The following CLVS1 variants were observed in gnomAD, a reference collection of about 807,000 sequenced individuals.
CLVS1 encodes clavesin 1.
Under a neutral mutation model 33.1 loss-of-function variants are expected in CLVS1, and 10 were observed. That is an observed-to-expected ratio of 0.30 (90% CI 0.19 to 0.51). CLVS1 has a LOEUF of 0.51. Among genes scored for constraint, CLVS1 ranks in the 20% least tolerant of loss-of-function variants. The pLI, the probability that CLVS1 is intolerant of heterozygous loss-of-function variation, is 0.97. For missense variants in CLVS1, 343 were observed against 433.4 expected (o/e 0.79, Z 1.85); for synonymous variants, 163 against 166.1 (o/e 0.98, Z 0.14).
At chr8:61,190,532 A>G (rs2129302534) in intron 2 of CLVS1, among the ~76,000 whole-genome samples, 1 of 152,320 alleles carries the variant, frequency 6.6e-6, no homozygotes, top group East Asian at 1.9e-4. Context: ...TCAGAGGAGA[A>G]CTGAAGGAGT....
chr8:61,038,180 A>G, the CLVS1 span, among the ~76,000 whole-genome samples: 2 of 152,114 alleles, frequency 1.3e-5, no homozygotes, highest in Admixed American at 1.3e-4. Context: ...GTTGCCTGCT[A>G]TTGACACATG....
chr8:61,420,664 T>C (rs749588603), intron 3 of CLVS1, among the ~76,000 whole-genome samples: 5 of 151,854 alleles, frequency 3.3e-5, no homozygotes, highest in Admixed American at 6.6e-5. Flanking sequence ...TTTATGTTTA[T>C]ATTGAATACT....
chr8:60,979,678 C>T, the CLVS1 span, among the ~76,000 whole-genome samples: 1 of 152,188 alleles, frequency 6.6e-6, no homozygotes, highest in Non-Finnish European at 1.5e-5. Context: ...CATGGTCCAC[C>T]AACCCCAGGT....
chr8:61,288,331 C>A (rs896779530), intron 1 of CLVS1, 193 bp downstream of exon 1: 3 of 451,628 alleles, frequency 6.6e-6, no homozygotes, highest in African/African-American at 4.0e-5. Flanking sequence ...CTCCTCCCGG[C>A]GCCCGCTCAG....
intron 5 of CLVS1, among the ~76,000 whole-genome samples, chr8:61,486,750 T>A (rs534860418): frequency 6.6e-6 from 1 of 152,292 alleles, no homozygotes; most frequent in South Asian, 2.1e-4. Flanking sequence ...ACATCCTCAC[T>A]AAAGTATCAT....
intron 2 of CLVS1, among the ~76,000 whole-genome samples, chr8:61,141,475 T>C (rs1349706440): frequency 6.6e-6 from 1 of 151,572 alleles, no homozygotes; most frequent in Non-Finnish European, 1.5e-5. Flanking sequence ...ATATATTGGC[T>C]TATGTATATA....
At chr8:61,389,449 G>A (rs1258096028) in intron 3 of CLVS1, among the ~76,000 whole-genome samples, 2 of 152,056 alleles carry the variant, frequency 1.3e-5, no homozygotes, top group South Asian at 4.2e-4. Context: ...GCTGAGGCAG[G>A]AGGCTCTTGC....
At chr8:61,465,388 G>T (rs1157185332) in intron 5 of CLVS1, 1 of 152,138 alleles carries the variant, frequency 6.6e-6, no homozygotes, top group Non-Finnish European at 1.5e-5. Flanking sequence ...TCCACGTAGA[G>T]TAAAAGCCAA....
chr8:61,053,175 A>G (rs532501495), upstream of CLVS1, among the ~76,000 whole-genome samples: 54 of 152,298 alleles, frequency 3.5e-4, no homozygotes, highest in Non-Finnish European at 6.0e-4. Flanking sequence ...AGGTCACTAA[A>G]TGGAGGGGTG....
chr8:61,440,927 T>C (rs1347077556), intron 3 of CLVS1, among the ~76,000 whole-genome samples: 1 of 152,204 alleles, frequency 6.6e-6, no homozygotes, highest in Non-Finnish European at 1.5e-5. Flanking sequence ...CTCTTCTCTC[T>C]TATGTTTGCT....
intron 2 of CLVS1, among the ~76,000 whole-genome samples, chr8:61,175,925 G>A (rs1049873600): frequency 1.2e-4 from 18 of 152,266 alleles, no homozygotes; most frequent in Admixed American, 3.3e-4. Context: ...CAATGCCCAT[G>A]CCCCAAACTT....
chr8:61,163,165 G>A (rs149024090), intron 2 of CLVS1, among the ~76,000 whole-genome samples: 1 of 152,228 alleles, frequency 6.6e-6, no homozygotes, highest in African/African-American at 2.4e-5. Flanking sequence ...TATTCATAAG[G>A]AGACCAGAGA....
In CLVS1 at chr8:61,121,941, C is replaced by A. The variant is rs575714788; in HGVS notation, c.-242-9829C>A. Among the ~76,000 whole-genome samples the A allele has an allele frequency of 8.5e-5, 13 of 152,268 alleles. 1 individual carries two copies. In the South Asian group the frequency reaches 2.5e-3, roughly 29 times the overall value. Reference sequence around the variant, plus strand: ...AAAAAAAGTGCCAGCAAAATAAAGACCCTGAAATACAACAGGAGGACTCAA... The same window carrying A: ...AAAAAAAGTGCCAGCAAAATAAAGAACCTGAAATACAACAGGAGGACTCAA... On this transcript the variant is annotated intron_variant, in intron 1 of 2. Coordinates refer to the CLVS1 transcript ENST00000522621.
chr8:61,487,321 T>G (rs1260000393), intron 5 of CLVS1, among the ~76,000 whole-genome samples: 1 of 152,222 alleles, frequency 6.6e-6, no homozygotes, highest in Non-Finnish European at 1.5e-5. Flanking sequence ...AAAAATATAT[T>G]TAAACTAGAT....
intron 2 of CLVS1, among the ~76,000 whole-genome samples, chr8:61,344,298 C>T (rs1812124141): frequency 6.6e-6 from 1 of 152,190 alleles, no homozygotes; most frequent in African/African-American, 2.4e-5. Flanking sequence ...CCACCCACAT[C>T]AGCCTCCCAA....
At chr8:61,236,059 C>T (rs1022634757) in intron 2 of CLVS1, among the ~76,000 whole-genome samples, 2 of 152,152 alleles carry the variant, frequency 1.3e-5, no homozygotes, top group East Asian at 1.9e-4. Context: ...CTGCTTTCCA[C>T]CCTTGGTGAG....
At chr8:61,489,674 A>G (rs939149618) in intron 5 of CLVS1, among the ~76,000 whole-genome samples, 2 of 152,244 alleles carry the variant, frequency 1.3e-5, no homozygotes, top group African/African-American at 4.8e-5. Flanking sequence ...GATGAAGAAC[A>G]GCTGTGGAGA....
At chr8:61,071,239 G>C (rs539189778) in intron 1 of CLVS1, among the ~76,000 whole-genome samples, 1 of 152,356 alleles carries the variant, frequency 6.6e-6, no homozygotes, top group East Asian at 1.9e-4. Context: ...GCTGCTGTAA[G>C]AAAGTATCTG....
the CLVS1 span, among the ~76,000 whole-genome samples, chr8:61,022,568 C>T: frequency 6.6e-6 from 1 of 152,204 alleles, no homozygotes; most frequent in Non-Finnish European, 1.5e-5. Flanking sequence ...CTGACTTCCT[C>T]TATTCATGTT....
Sources: gnomAD v4.1 joint callset for allele counts (sites outside exome capture counted in the v4.1 genomes callset) on GRCh38, gnomAD v4.1.1 for gene constraint, MANE v1.5 for transcripts, NCBI Gene and HGNC (gene_info 2026-07-23, HGNC 2026-07-21) for gene names.